Variants in AFG2A observed in about 807,000 individuals in gnomAD.
The protein encoded by AFG2A is ATPase family gene 2 protein homolog A.
chr4:123,282,612 C>G, the AFG2A span, among the ~76,000 whole-genome samples: 1 of 151,990 alleles, frequency 6.6e-6, no homozygotes, highest in Non-Finnish European at 1.5e-5. Flanking sequence ...CATTGTTACC[C>G]TTAAGAATAC....
chr4:123,289,418 TG>T, the AFG2A span, among the ~76,000 whole-genome samples: 7 of 152,202 alleles, frequency 4.6e-5, no homozygotes, highest in Admixed American at 4.6e-4. Flanking sequence ...TATTGGTCGA[TG>T]GGCACTTAGG....
the AFG2A span, among the ~76,000 whole-genome samples, chr4:123,304,479 G>C: frequency 1.3e-5 from 2 of 152,164 alleles, no homozygotes; most frequent in African/African-American, 2.4e-5. Flanking sequence ...GCGAGGGGGC[G>C]GGTGAGCAGA....
chr4:123,016,957 C>CA, the AFG2A span, among the ~76,000 whole-genome samples: 2 of 152,062 alleles, frequency 1.3e-5, no homozygotes, highest in Non-Finnish European at 2.9e-5. Flanking sequence ...CCGTCTCCAC[C>CA]AAAAAAATAC....
the AFG2A span, among the ~76,000 whole-genome samples, chr4:123,132,320 T>C: frequency 2.5e-3 from 375 of 152,242 alleles, 2 homozygotes; most frequent in Non-Finnish European, 4.2e-3. Flanking sequence ...ACCATTCTAT[T>C]CTCTGTTAAT....
chr4:123,082,333 AT>A, the AFG2A span, among the ~76,000 whole-genome samples: 2 of 151,600 alleles, frequency 1.3e-5, no homozygotes, highest in Admixed American at 6.6e-5. Flanking sequence ...GTCTAGATTC[AT>A]TTTTTTTGCA....
the AFG2A span, among the ~76,000 whole-genome samples, chr4:123,268,155 T>C: frequency 4.6e-5 from 7 of 151,734 alleles, no homozygotes; most frequent in Admixed American, 1.3e-4. Context: ...AAGCTAAAAA[T>C]AGACAGTCTA....
At chr4:123,260,799 A>G in the AFG2A span, among the ~76,000 whole-genome samples, 1 of 152,338 alleles carries the variant, frequency 6.6e-6, no homozygotes, top group South Asian at 2.1e-4. Context: ...AGCTAGCAGC[A>G]GTGTACTTGT....
the AFG2A span, among the ~76,000 whole-genome samples, chr4:123,185,449 T>C: frequency 6.6e-6 from 1 of 152,152 alleles, no homozygotes; most frequent in Non-Finnish European, 1.5e-5. Flanking sequence ...AGTCTAAGTA[T>C]GAATGTCTAC....
the AFG2A span, among the ~76,000 whole-genome samples, chr4:123,165,291 C>T: frequency 1.3e-5 from 2 of 152,048 alleles, no homozygotes; most frequent in Non-Finnish European, 2.9e-5. Context: ...TCTAATACTA[C>T]ATTATGGTGG....
chr4:123,200,162 TA>T, the AFG2A span, among the ~76,000 whole-genome samples: 1 of 152,222 alleles, frequency 6.6e-6, no homozygotes, highest in Non-Finnish European at 1.5e-5. Flanking sequence ...ATTCACATAT[TA>T]TGATTGTTTT....
At chr4:123,144,249 T>C in the AFG2A span, among the ~76,000 whole-genome samples, 30 of 152,258 alleles carry the variant, frequency 2.0e-4, no homozygotes, top group African/African-American at 6.7e-4. Flanking sequence ...GTTCTCATTG[T>C]TTAGCTCTAT....
chr4:122,933,396 T>C, the AFG2A span: 1 of 1,488,154 alleles, frequency 6.7e-7, no homozygotes, highest in Non-Finnish European at 9.3e-7. Context: ...TAGTTTCTGG[T>C]GTACCTAATG....
chr4:123,089,309 T>C, the AFG2A span, among the ~76,000 whole-genome samples: 138,248 of 152,250 alleles, frequency 0.91, 63,003 homozygotes, highest in East Asian at 0.98. Context: ...CTGAGGTGTG[T>C]TTCTTTGTCA....
chr4:123,015,315 T>C, the AFG2A span, among the ~76,000 whole-genome samples: 140 of 149,594 alleles, frequency 9.4e-4, no homozygotes, highest in African/African-American at 3.2e-3. Flanking sequence ...GGTTTTCCTA[T>C]GCAGAGGACC....
the AFG2A span, among the ~76,000 whole-genome samples, chr4:123,216,715 G>A: frequency 2.0e-5 from 3 of 148,420 alleles, no homozygotes; most frequent in Admixed American, 1.4e-4. Flanking sequence ...ACCCAGGCCA[G>A]AGCACAGTGG....
chr4:123,298,364 C>T, the AFG2A span, among the ~76,000 whole-genome samples: 1 of 152,176 alleles, frequency 6.6e-6, no homozygotes, highest in Admixed American at 6.5e-5. Flanking sequence ...GACGGAATCC[C>T]GATGGCATCC....
the AFG2A span, among the ~76,000 whole-genome samples, chr4:123,216,958 C>A: frequency 6.6e-6 from 1 of 152,074 alleles, no homozygotes; most frequent in Non-Finnish European, 1.5e-5. Flanking sequence ...TATGAGCCAC[C>A]ATGTCCAGAC....
chr4:122,950,283 G>A, the AFG2A span, among the ~76,000 whole-genome samples: 189 of 152,122 alleles, frequency 1.2e-3, no homozygotes, highest in African/African-American at 4.5e-3. Flanking sequence ...GATATCCAGG[G>A]CCTCTGCCTA....
the AFG2A span, among the ~76,000 whole-genome samples, chr4:123,293,728 G>A: frequency 8.5e-5 from 13 of 152,156 alleles, no homozygotes; most frequent in East Asian, 1.9e-4. Flanking sequence ...TCCCCAAATC[G>A]CAATCCACTC....
Sources: gnomAD v4.1 joint callset for allele counts (sites outside exome capture counted in the v4.1 genomes callset) on GRCh38, gnomAD v4.1.1 for gene constraint, MANE v1.5 for transcripts, NCBI Gene and HGNC (gene_info 2026-07-23, HGNC 2026-07-21) for gene names.